Variants in TMEM59L observed in about 807,000 individuals in gnomAD.
TMEM59L encodes transmembrane protein 59 like.
In TMEM59L, 31 loss-of-function variants were observed where a neutral mutation model predicts 39.6. The ratio of observed to expected loss-of-function variants is 0.78; its 90% CI spans 0.59 to 1.06. TMEM59L has a LOEUF of 1.06. Among genes scored for constraint, TMEM59L ranks in the 50% least tolerant of loss-of-function variants. TMEM59L has a pLI of 0.00. For synonymous variants in TMEM59L, 219 were observed against 202.9 expected, an observed-to-expected ratio of 1.08 and a Z score of -0.68; for missense variants, 441 against 451.3, an observed-to-expected ratio of 0.98 and a Z score of 0.21.
chr19:18,618,101 T>C (rs1039808881), intron 5 of TMEM59L, 54 bp from the exon 6 acceptor site: 4 of 1,353,158 alleles, frequency 3.0e-6, no homozygotes, highest in Non-Finnish European at 4.2e-6. Context: ...GTCATGGTTA[T>C]TGTGGCCTCT....
intron 3 of TMEM59L, among the ~76,000 whole-genome samples, chr19:18,614,822 G>A (rs1028649033): frequency 1.3e-5 from 2 of 152,190 alleles, no homozygotes; most frequent in African/African-American, 4.8e-5. Flanking sequence ...GGAAACTGAG[G>A]CACAGAAAAT....
At position 18,612,987 on chromosome 19, in the gene TMEM59L, CGCTGCT is replaced by C. The variant is rs748071337; in HGVS notation, c.43_48del (p.Leu16_Leu17del). 27 of 1,360,504 alleles carry C rather than the reference CGCTGCT, an allele frequency of 2.0e-5. No homozygotes were observed. The highest frequency in any genetic ancestry group is 2.4e-5 in the Non-Finnish European group (25 of 1,060,494). 84.3% of individuals were successfully genotyped at this position (1,360,504 alleles called of 1,614,324 possible). A position where few individuals can be genotyped will look rare whatever the true frequency, so the allele number is the denominator to read the frequency against. ...GCTGCGGTGGCGCTGATGCCACCGC[CGCTGCT>C]GCTGCTGCTGCTGTTGGCGTCGCCG... On this transcript the variant is annotated inframe_deletion, in exon 1 of 8. Transcript: ENST00000262817. This position sits in a 1 kb window ranked among gnomAD's most constrained non-coding sequence, Gnocchi z 6.2.
At chr19:18,614,234 T>A in intron 3 of TMEM59L, 39 bp downstream of exon 3, 1 of 1,542,264 alleles carries the variant, frequency 6.5e-7, no homozygotes, top group Non-Finnish European at 8.7e-7. Flanking sequence ...CTTTTCCCAA[T>A]ACCCCCACCC....
chr19:18,619,587 G>A (rs564396338), intron 7 of TMEM59L, among the ~76,000 whole-genome samples: 125 of 151,534 alleles, frequency 8.2e-4, no homozygotes, highest in Non-Finnish European at 1.5e-3. Context: ...GGCGGATCAC[G>A]AGGTCAAGAG....
chr19:18,618,801 T>C (rs1175913939), intron 7 of TMEM59L, among the ~76,000 whole-genome samples: 1 of 150,550 alleles, frequency 6.6e-6, no homozygotes, highest in Non-Finnish European at 1.5e-5. Context: ...TTCAAGCAAT[T>C]CTCCTGCCTC....
chr19:18,618,196 C>T lies in TMEM59L; in HGVS notation c.706C>T (p.Arg236Ter), dbSNP rs886953812. 14 of 1,612,638 alleles carry T rather than the reference C, an allele frequency of 8.7e-6. No individual in the cohort carries two copies. The highest frequency in any genetic ancestry group is 2.2e-5 in the South Asian group (2 of 91,058). The change falls in exon 6 of 8, where the codon CGA (arginine) becomes TGA (stop). Residue 236 changes from arginine to a stop codon, truncating the protein, a stop_gained. Transcript: ENST00000262817. LOFTEE classifies it high-confidence loss of function. ...GGACAAGGTGAGGAAGGCCAAGATC[C>T]GAGTCAAGACCAGCAGCAAGGCCAA... Reference protein sequence around the residue: ...PLDKVRKAKIRVKTSSKAKVE... With the variant: ...PLDKVRKAKI
Position 18,618,514 on chromosome 19 carries a change from C to T in TMEM59L, c.900+22C>T, listed in dbSNP as rs748652456. On this transcript the variant is annotated intron_variant, in intron 7 of 7. Coordinates refer to ENST00000262817, the MANE Select transcript of TMEM59L (RefSeq NM_012109.3). ...CCAGGTGGGTGGGATCTGTGAATGG[C>T]GCTGGGCCGAGGGAGGGGGTGAAGG... The T allele has an allele frequency of 6.3e-6, 10 of 1,590,396 alleles. No individual in the cohort carries two copies. The African/African-American group carries it at 8.1e-5, about 13-fold the overall frequency.
chr19:18,616,151 G>A (rs559341557), intron 4 of TMEM59L, 24 bp downstream of exon 4: 446 of 1,612,212 alleles, frequency 2.8e-4, no homozygotes, highest in Non-Finnish European at 3.5e-4. Flanking sequence ...CAGGGGCCAC[G>A]CCAGAGTGGC....
At chr19:18,613,213 T>A in intron 1 of TMEM59L, 84 bp downstream of exon 1, 1 of 1,219,966 alleles carries the variant, frequency 8.2e-7, no homozygotes. Context: ...TTCTCTTGGA[T>A]GACAGCAGGA....
In TMEM59L at chr19:18,616,997, C is replaced by A. The variant is rs1291138488; in HGVS notation, c.562-3C>A. 4.4e-6 allele frequency: 7 copies of A among 1,604,658 alleles called. No homozygotes were observed. The East Asian group carries it at 1.3e-4, about 31-fold the overall frequency. On this transcript the variant is annotated splice_region_variant and splice_polypyrimidine_tract_variant and intron_variant, in intron 4 of 7. Coordinates refer to ENST00000262817, the MANE Select transcript of TMEM59L (RefSeq NM_012109.3). ...TCTCTGTGCTGTCTTGTTCCTGGCC[C>A]AGACTCAGCCCATAGTGGAGAGCCT...
chr19:18,616,730 TG>T (rs1336526993), intron 4 of TMEM59L, among the ~76,000 whole-genome samples: 3 of 152,216 alleles, frequency 2.0e-5, no homozygotes, highest in Non-Finnish European at 4.4e-5. Flanking sequence ...TTACTCTGAT[TG>T]GCCCTGGCTG....
rs1976398682 is a variant in TMEM59L, at chr19:18,613,895, G to C, written c.195G>C (p.Glu65Asp). Reference sequence around the variant, plus strand: ...AGGCGGGGCTGGAGGGCGCCTCCGAGTCTCCCTATGACAGAGCCGTTCTGA... The same window carrying C: ...AGGCGGGGCTGGAGGGCGCCTCCGACTCTCCCTATGACAGAGCCGTTCTGA... The part of the protein sequence containing the change: ...PSQAGLEGAS[E>D]SPYDRAVLIS... The change falls in exon 2 of 8, where the codon GAG becomes GAC. Residue 65 changes from glutamate (E) to aspartate (D), a missense_variant. Transcript: ENST00000262817. The C allele has an allele frequency of 3.1e-6, 5 of 1,612,112 alleles. No homozygotes were observed. Among genetic ancestry groups the C allele is most frequent in the Non-Finnish European group, 3.4e-6 (4 of 1,179,732 alleles).
intron 1 of TMEM59L, among the ~76,000 whole-genome samples, 187 bp downstream of exon 1, chr19:18,613,316 G>A (rs1231919923): frequency 6.6e-6 from 1 of 152,114 alleles, no homozygotes; most frequent in Non-Finnish European, 1.5e-5. Context: ...TGATGGGGGA[G>A]TGCTTGGGGA....
chr19:18,613,783 CT>C, intron 1 of TMEM59L, 88 bp from the exon 2 acceptor site: 1 of 1,087,846 alleles, frequency 9.2e-7, no homozygotes, highest in Non-Finnish European at 1.3e-6. Flanking sequence ...GCGGGGAAGC[CT>C]TTCCCTGCCT....
At chr19:18,615,427 T>C (rs560846617) in intron 3 of TMEM59L, among the ~76,000 whole-genome samples, 1 of 152,318 alleles carries the variant, frequency 6.6e-6, no homozygotes, top group East Asian at 1.9e-4. Context: ...GGCTACTCCA[T>C]GAAGGAAGAG....
At position 18,616,010 on chromosome 19, in the gene TMEM59L, C is replaced by T. The variant is rs1274241102; in HGVS notation, c.444C>T (p.Ser148=). ...TGGAGGCTCCAAGTGGGGCCCTCTC[C>T]CTCTTGGACTTGTTTTCCACCCTCT... The part of the protein sequence containing the change: ...KVLEAPSGAL[S]LLDLFSTLCN... Residue 148 remains serine, a synonymous_variant, in exon 4 of 8, where the codon TCC becomes TCT. Coordinates refer to ENST00000262817, the MANE Select transcript of TMEM59L (RefSeq NM_012109.3). 1 of 1,613,966 alleles carries T rather than the reference C, an allele frequency of 6.2e-7. No homozygotes were observed. The highest frequency in any genetic ancestry group is 8.5e-7 in the Non-Finnish European group (1 of 1,179,996).
intron 7 of TMEM59L, among the ~76,000 whole-genome samples, chr19:18,619,378 T>C (rs1354774457): frequency 6.6e-6 from 1 of 152,178 alleles, no homozygotes; most frequent in East Asian, 1.9e-4. Context: ...TGGGGCGACA[T>C]GAAGTCAGAG....
intron 3 of TMEM59L, among the ~76,000 whole-genome samples, chr19:18,615,545 C>G (rs766226857): frequency 3.3e-5 from 5 of 152,192 alleles, no homozygotes; most frequent in Non-Finnish European, 7.3e-5. Flanking sequence ...GTCCTATTGG[C>G]CCAAATCACT....
intron 3 of TMEM59L, among the ~76,000 whole-genome samples, chr19:18,615,278 C>T (rs1189386300): frequency 3.9e-5 from 6 of 152,152 alleles, no homozygotes; most frequent in Non-Finnish European, 7.3e-5. Context: ...CCACCATGGC[C>T]GGCCATCAGA....
Sources: gnomAD v4.1 joint callset for allele counts (sites outside exome capture counted in the v4.1 genomes callset) on GRCh38, gnomAD v4.1.1 for gene constraint, Gnocchi (gnomAD v3.1) non-coding constraint, MANE v1.5 for transcripts, NCBI Gene and HGNC (gene_info 2026-07-23, HGNC 2026-07-21) for gene names.